KDM4C: variants seen among roughly 807,000 people sequenced by gnomAD.
The protein encoded by KDM4C is lysine demethylase 4C.
A neutral mutation model predicts 129.3 loss-of-function variants in KDM4C; 81 were observed. That is an observed-to-expected ratio of 0.63 (90% CI 0.52 to 0.75). The LOEUF (loss-of-function observed/expected upper bound fraction) is 0.75. Ranked by LOEUF, KDM4C falls within the 30% of genes least tolerant of loss-of-function variation. The pLI, the probability that KDM4C is intolerant of heterozygous loss-of-function variation, is 0.00. For synonymous variants in KDM4C, 573 were observed against 456.1 expected (o/e 1.26, Z -3.26); for missense variants, 1,457 against 1,304.0 (o/e 1.12, Z -1.81).
At chr9:7,110,969 T>C (rs1374308020) in intron 18 of KDM4C, among the ~76,000 whole-genome samples, 1 of 152,204 alleles carries the variant, frequency 6.6e-6, no homozygotes, top group Non-Finnish European at 1.5e-5. Flanking sequence ...AACTTTAGAC[T>C]GCCTTAAAAC....
intron 19 of KDM4C, among the ~76,000 whole-genome samples, chr9:7,153,341 G>GA (rs1348598323): frequency 6.6e-6 from 1 of 152,220 alleles, no homozygotes; most frequent in Admixed American, 6.5e-5. Flanking sequence ...ATCCCCATCA[G>GA]AGTAGCCCCC....
chr9:7,131,627 A>G (rs1309794100), intron 19 of KDM4C, among the ~76,000 whole-genome samples: 1 of 152,116 alleles, frequency 6.6e-6, no homozygotes, highest in African/African-American at 2.4e-5. Flanking sequence ...CCCACACACC[A>G]TTATTTAAGT....
chr9:7,093,693 A>G (rs946864822), intron 17 of KDM4C, among the ~76,000 whole-genome samples: 9 of 152,202 alleles, frequency 5.9e-5, no homozygotes, highest in African/African-American at 2.2e-4. Flanking sequence ...AGAGGAGACA[A>G]TTTTGTTAAA....
At chr9:6,762,662 CTTT>C (rs1031418918) in intron 1 of KDM4C, among the ~76,000 whole-genome samples, 2 of 138,458 alleles carry the variant, frequency 1.4e-5, no homozygotes, top group Non-Finnish European at 3.1e-5. Flanking sequence ...AGGTCATTGT[CTTT>C]TTTTTTTTTT....
chr9:6,851,710 C>G (rs1455954587), intron 5 of KDM4C, among the ~76,000 whole-genome samples: 1 of 152,142 alleles, frequency 6.6e-6, no homozygotes, highest in Non-Finnish European at 1.5e-5. Flanking sequence ...TGTCTGCTTT[C>G]TAATTAAGAA....
At chr9:6,963,759 T>C (rs1830419735) in intron 8 of KDM4C, among the ~76,000 whole-genome samples, 2 of 152,254 alleles carry the variant, frequency 1.3e-5, no homozygotes, top group Non-Finnish European at 2.9e-5. Flanking sequence ...TTTTCCTGCC[T>C]CTCAGTCTTC....
intron 17 of KDM4C, among the ~76,000 whole-genome samples, chr9:7,077,726 T>C (rs1834086407): frequency 6.6e-6 from 1 of 152,208 alleles, no homozygotes. Flanking sequence ...TTGCCTGGAC[T>C]TCACAATGTA....
chr9:6,831,138 A>T (rs985008507), intron 4 of KDM4C, among the ~76,000 whole-genome samples: 21 of 152,184 alleles, frequency 1.4e-4, no homozygotes, highest in Non-Finnish European at 7.4e-5. Context: ...CAGTGGGGGA[A>T]GCGGGGATCT....
intron 4 of KDM4C, among the ~76,000 whole-genome samples, chr9:6,831,140 C>T (rs914475930): frequency 3.9e-5 from 6 of 152,016 alleles, no homozygotes; most frequent in East Asian, 1.9e-4. Flanking sequence ...GTGGGGGAAG[C>T]GGGGATCTGT....
intron 8 of KDM4C, among the ~76,000 whole-genome samples, chr9:6,977,462 CA>C (rs748508393): frequency 5.3e-5 from 8 of 152,086 alleles, no homozygotes; most frequent in Non-Finnish European, 1.0e-4. Context: ...TCATGTCTCC[CA>C]AAACCACATA....
intron 3 of KDM4C, among the ~76,000 whole-genome samples, chr9:6,807,393 T>G (rs1421873636): frequency 7.1e-6 from 1 of 140,908 alleles, no homozygotes; most frequent in African/African-American, 2.8e-5. Context: ...GTCTGGAAAG[T>G]GAGGAGCGTC....
intron 19 of KDM4C, among the ~76,000 whole-genome samples, chr9:7,140,316 G>T (rs1323908328): frequency 6.6e-6 from 1 of 152,110 alleles, no homozygotes; most frequent in Non-Finnish European, 1.5e-5. Flanking sequence ...TTTGTACAGG[G>T]CTTTATGTTT....
intron 3 of KDM4C, among the ~76,000 whole-genome samples, chr9:6,808,443 A>T (rs1830533058): frequency 8.3e-6 from 1 of 120,988 alleles, no homozygotes; most frequent in Admixed American, 8.7e-5. Context: ...TCAGGGTTAA[A>T]TGGATTAAGG....
At chr9:7,117,908 T>C (rs1839084940) in intron 18 of KDM4C, among the ~76,000 whole-genome samples, 1 of 152,218 alleles carries the variant, frequency 6.6e-6, no homozygotes, top group South Asian at 2.1e-4. Context: ...GTCTAACTAA[T>C]GTGAACTCTC....
intron 4 of KDM4C, among the ~76,000 whole-genome samples, chr9:6,845,949 T>G (rs929038170): frequency 1.1e-4 from 17 of 152,184 alleles, no homozygotes; most frequent in Non-Finnish European, 2.2e-4. Context: ...GATTCTAACT[T>G]GTCATTGTGG....
chr9:6,786,417 T>C (rs941743129), intron 1 of KDM4C, among the ~76,000 whole-genome samples: 1 of 152,190 alleles, frequency 6.6e-6, no homozygotes, highest in Non-Finnish European at 1.5e-5. Flanking sequence ...TCGTTTTTGC[T>C]GTAGGTGGTC....
intron 4 of KDM4C, chr9:6,834,914 G>T: frequency 8.4e-7 from 1 of 1,194,278 alleles, no homozygotes; most frequent in Non-Finnish European, 1.3e-6. Flanking sequence ...TACCGTGATG[G>T]ACTCCGGTGA....
At chr9:7,089,142 A>AT (rs373043150) in intron 17 of KDM4C, among the ~76,000 whole-genome samples, 1 of 152,136 alleles carries the variant, frequency 6.6e-6, no homozygotes, top group African/African-American at 2.4e-5. Flanking sequence ...GGAAAGTGCC[A>AT]TTTTTTTCTA....
chr9:6,834,906 C>T (rs2131352529), intron 4 of KDM4C: 1 of 1,216,332 alleles, frequency 8.2e-7, no homozygotes, highest in Non-Finnish European at 1.2e-6. Flanking sequence ...ACCACTGGTA[C>T]CGTGATGGAC....
Sources: allele counts gnomAD v4.1 joint callset (sites outside exome capture counted in the v4.1 genomes callset), GRCh38; gene constraint gnomAD v4.1.1; transcripts MANE v1.5; gene names NCBI Gene and HGNC (gene_info 2026-07-23, HGNC 2026-07-21).